The following ANKRD11 variants were observed in gnomAD, a reference collection of about 807,000 sequenced individuals.
ANKRD11 encodes ankyrin repeat domain 11.
Under a neutral mutation model 195.7 loss-of-function variants are expected in ANKRD11, and 17 were observed. The ratio of observed to expected loss-of-function variants is 0.09; its 90% CI spans 0.06 to 0.13. The LOEUF (loss-of-function observed/expected upper bound fraction) is 0.13, where lower values mean the gene tolerates loss of function less well. Ranked by LOEUF, ANKRD11 falls within the 10% of genes least tolerant of loss-of-function variation. The probability of loss-of-function intolerance (pLI) is 1.00; values close to 1 mark genes in which losing one functional copy is unlikely to be tolerated. For missense variants in ANKRD11, 3,735 were observed against 3,566.1 expected, an observed-to-expected ratio of 1.05 and a Z score of -1.21; for synonymous variants, 1,953 against 1,528.1, an observed-to-expected ratio of 1.28 and a Z score of -6.49.
intron 1 of ANKRD11, among the ~76,000 whole-genome samples, chr16:89,434,948 C>T (rs574482267): frequency 1.1e-4 from 17 of 152,188 alleles, no homozygotes; most frequent in South Asian, 4.1e-4. Flanking sequence ...AAGCAGGGCG[C>T]AGGCCCAGGT....
At chr16:89,371,667 C>T (rs1022949499) in intron 2 of ANKRD11, among the ~76,000 whole-genome samples, 5 of 152,128 alleles carry the variant, frequency 3.3e-5, no homozygotes, top group African/African-American at 9.7e-5. Context: ...GATGCAGACT[C>T]CCCCCTGCAC....
Position 89,282,250 on chromosome 16 carries a change from T to C in ANKRD11, c.4292A>G (p.Asn1431Ser), listed in dbSNP as rs767867968. 6 of 1,614,056 alleles carry C rather than the reference T, an allele frequency of 3.7e-6. No homozygotes were observed. In the African/African-American group the frequency reaches 6.7e-5, roughly 18 times the overall value. Residue 1431 changes from asparagine (N) to serine (S), a missense_variant, in exon 9 of 13, where the codon AAT becomes AGT. Asn to Ser is a conservative substitution (Grantham distance 46). Coordinates refer to ENST00000301030, the MANE Select transcript of ANKRD11 (RefSeq NM_013275.6). ...ELFSTEKKDKNDSEREPSKKI... is the reference protein window; with the variant it reads ...ELFSTEKKDKSDSEREPSKKI... ...CTTGGAAGGTTCTCTCTCGGAATCA[T>C]TTTTATCTTTCTTTTCGGTAGAAAA...
rs115853511 is a variant in ANKRD11 at position 89,370,032 on chromosome 16, C to T, written c.-60+48252G>A. 3.9e-3 allele frequency among the ~76,000 whole-genome samples: 589 copies of T among 152,346 alleles called. 2 individuals carry two copies. Among genetic ancestry groups the T allele is most frequent in the African/African-American group, 0.014 (566 of 41,578 alleles). ...TCAGGAAGAGCCAGGCCAAGACCATCCAGTAACGAGAACGCAAACCTTCTG... is the reference window on the plus strand; with the variant it reads ...TCAGGAAGAGCCAGGCCAAGACCATTCAGTAACGAGAACGCAAACCTTCTG... On this transcript the variant is annotated intron_variant, in intron 2 of 12. Coordinates refer to ENST00000301030, the MANE Select transcript of ANKRD11 (RefSeq NM_013275.6).
intron 2 of ANKRD11, among the ~76,000 whole-genome samples, chr16:89,355,901 C>T (rs1386049436): frequency 6.6e-6 from 1 of 152,128 alleles, no homozygotes; most frequent in African/African-American, 2.4e-5. Context: ...GTGCTCCCCC[C>T]AGCACAGCTC....
At chr16:89,406,717 G>T (rs2152190099) in intron 2 of ANKRD11, among the ~76,000 whole-genome samples, 1 of 152,290 alleles carries the variant, frequency 6.6e-6, no homozygotes, top group East Asian at 1.9e-4. Context: ...GAAGAAGATG[G>T]ACCTCAGTGC....
intron 1 of ANKRD11, among the ~76,000 whole-genome samples, chr16:89,428,353 G>A (rs140078198): frequency 0.019 from 2,814 of 151,922 alleles, 50 homozygotes; most frequent in South Asian, 0.06. Context: ...GTGAAACCCC[G>A]TCTCTACTAA....
At chr16:89,337,006 C>CAA (rs1567667147) in intron 2 of ANKRD11, among the ~76,000 whole-genome samples, 1 of 39,748 alleles carries the variant, frequency 2.5e-5, no homozygotes, top group African/African-American at 8.8e-5. Flanking sequence ...CCTGGCTCTA[C>CAA]CAAAAAAAAA....
Position 89,283,780 on chromosome 16 carries a change from T to C in ANKRD11, c.2762A>G (p.Lys921Arg), listed in dbSNP as rs748365954. ...DYLDKNSEKR[K>R]EQTEKHKSVP... The stretch of plus-strand genomic sequence containing the variant: ...ACTTTTATGCTTTTCGGTCTGCTCT[T>C]TCCTCTTCTCAGAGTTTTTATCCAA... The change falls in exon 9 of 13, where the codon AAA becomes AGA. Residue 921 changes from lysine to arginine, a missense_variant. Physicochemically the swap from Lys to Arg is conservative, Grantham distance 26. Coordinates refer to ENST00000301030, the MANE Select transcript of ANKRD11 (RefSeq NM_013275.6). The surrounding 1 kb of genome is among the most constrained non-coding windows in gnomAD (Gnocchi z 4.3). The C allele has an allele frequency of 2.5e-6, 4 of 1,613,450 alleles. No homozygotes were observed. In the African/African-American group the frequency reaches 5.3e-5, roughly 22 times the overall value.
intron 9 of ANKRD11, among the ~76,000 whole-genome samples, chr16:89,276,551 G>A (rs1230088664): frequency 6.6e-6 from 1 of 152,194 alleles, no homozygotes; most frequent in Non-Finnish European, 1.5e-5. Context: ...GGCCAGGCCT[G>A]GGGCCTCTGA....
At chr16:89,478,574 A>G (rs1442770278) in intron 1 of ANKRD11, among the ~76,000 whole-genome samples, 1 of 152,072 alleles carries the variant, frequency 6.6e-6, no homozygotes, top group Non-Finnish European at 1.5e-5. Flanking sequence ...GCATCATACA[A>G]ATGTGTCCCT....
At chr16:89,304,658 G>T (rs754858852) in intron 4 of ANKRD11, among the ~76,000 whole-genome samples, 4 of 150,632 alleles carry the variant, frequency 2.7e-5, no homozygotes, top group Non-Finnish European at 4.4e-5. Context: ...AGATACACGG[G>T]CATGTGCACA....
chr16:89,274,970 AG>A lies in ANKRD11; in HGVS notation c.7570-14del. 3.1e-6 allele frequency: 5 copies of A among 1,613,160 alleles called. No individual in the cohort carries two copies. The South Asian group carries it at 5.5e-5, about 18-fold the overall frequency. Reference sequence around the variant, plus strand: ...CGATCAGCTTCTCCTGAAGGAGGAGAGGAGTAGAGTGAGCTGGGACACAGCC... The same window carrying A: ...CGATCAGCTTCTCCTGAAGGAGGAGAGAGTAGAGTGAGCTGGGACACAGCC... On this transcript the variant is annotated splice_polypyrimidine_tract_variant and intron_variant, in intron 10 of 12. Coordinates refer to ENST00000301030, the MANE Select transcript of ANKRD11 (RefSeq NM_013275.6).
At chr16:89,421,793 G>C (rs1452099831) in intron 1 of ANKRD11, among the ~76,000 whole-genome samples, 1 of 152,074 alleles carries the variant, frequency 6.6e-6, no homozygotes, top group African/African-American at 2.4e-5. Context: ...CTGGGGGTGG[G>C]GGTGAGACAC....
chr16:89,374,542 G>A (rs886712629), intron 2 of ANKRD11, among the ~76,000 whole-genome samples: 2 of 152,188 alleles, frequency 1.3e-5, no homozygotes, highest in African/African-American at 2.4e-5. Flanking sequence ...TCTGCCGGCC[G>A]CTGTGTGTGT....
chr16:89,311,310 T>C (rs754353330), intron 3 of ANKRD11, among the ~76,000 whole-genome samples: 2 of 152,226 alleles, frequency 1.3e-5, no homozygotes, highest in Non-Finnish European at 2.9e-5. Context: ...TTTTAAAATT[T>C]GTATGTTTGT....
At chr16:89,402,855 G>A (rs113882187) in intron 2 of ANKRD11, among the ~76,000 whole-genome samples, 1 of 151,516 alleles carries the variant, frequency 6.6e-6, no homozygotes, top group Middle Eastern at 3.4e-3. Flanking sequence ...GGGCGGGGTG[G>A]GGCCTGCAGA....
intron 1 of ANKRD11, among the ~76,000 whole-genome samples, chr16:89,464,951 C>T (rs1217826463): frequency 1.3e-5 from 2 of 152,244 alleles, no homozygotes; most frequent in African/African-American, 4.8e-5. Context: ...GGGGCCGAAT[C>T]TGGCCCAATG....
intron 2 of ANKRD11, among the ~76,000 whole-genome samples, chr16:89,400,985 G>A (rs922133744): frequency 5.3e-5 from 8 of 152,192 alleles, no homozygotes; most frequent in Admixed American, 3.3e-4. Context: ...GCCTGGCATG[G>A]CACCCAAGAC....
rs1597389767 is a variant in ANKRD11, at chr16:89,433,500, C to T, written c.-144-15132G>A. Among the ~76,000 whole-genome samples the T allele has an allele frequency of 1.3e-5, 2 of 152,326 alleles. 1 individual carries two copies. The highest frequency in any genetic ancestry group is 3.9e-4 in the East Asian group (2 of 5,184). On this transcript the variant is annotated intron_variant, in intron 1 of 12. Transcript: ENST00000301030. Reference sequence around the variant, plus strand: ...CAGAGACACGGCGTTGGCCACCAGTCCCAGCTCCAGCAACACTAAAAGGCC... The same window carrying T: ...CAGAGACACGGCGTTGGCCACCAGTTCCAGCTCCAGCAACACTAAAAGGCC...
Sources: allele counts gnomAD v4.1 joint callset (sites outside exome capture counted in the v4.1 genomes callset), GRCh38; gene constraint gnomAD v4.1.1; non-coding constraint Gnocchi (gnomAD v3.1); transcripts MANE v1.5; gene names NCBI Gene and HGNC (gene_info 2026-07-23, HGNC 2026-07-21).